TUBA1C: variants seen among roughly 807,000 people sequenced by gnomAD.
The protein encoded by TUBA1C is tubulin alpha 1c, also known as tubulin alpha-1C chain.
TUBA1C carries 16 observed loss-of-function variants against 34.9 expected under a neutral mutation model. That is an observed-to-expected ratio of 0.46 (90% CI 0.31 to 0.70). TUBA1C has a LOEUF of 0.70. TUBA1C is among the 30% of genes least tolerant of loss of function. The pLI, the probability that TUBA1C is intolerant of heterozygous loss-of-function variation, is 0.05. For missense variants in TUBA1C, 329 were observed against 587.3 expected (o/e 0.56, Z 4.55); for synonymous variants, 177 against 215.9 (o/e 0.82, Z 1.58).
chr12:49,260,091 G>A (rs185766031), upstream of TUBA1C, among the ~76,000 whole-genome samples: 5 of 152,230 alleles, frequency 3.3e-5, no homozygotes, highest in East Asian at 9.7e-4. Flanking sequence ...CAGGCTCTAT[G>A]ATATAGTCCT....
intron 1 of TUBA1C, among the ~76,000 whole-genome samples, chr12:49,231,717 C>CAGACAGACAGACAGATAGATAGATAGAT (rs1411016546): frequency 4.0e-5 from 6 of 151,270 alleles, no homozygotes; most frequent in African/African-American, 1.5e-4. Flanking sequence ...GACAGACAGA[C>CAGACAGACAGACAGATAGATAGATAGAT]AGATAGATAG....
intron 1 of TUBA1C, among the ~76,000 whole-genome samples, chr12:49,251,414 A>G (rs916029183): frequency 5.3e-5 from 8 of 152,222 alleles, no homozygotes; most frequent in African/African-American, 1.9e-4. Flanking sequence ...CTGTAAGAAA[A>G]GTATATATCG....
At chr12:49,232,870 A>G (rs558555931) in intron 1 of TUBA1C, 1 of 152,324 alleles carries the variant, frequency 6.6e-6, no homozygotes, top group South Asian at 2.1e-4. Context: ...TGGGAAACTC[A>G]GAATACAAAC....
rs1007132386 is a variant in TUBA1C at position 49,273,595 on chromosome 12, C to G, written c.*368C>G. 4 of 323,248 alleles carry G rather than the reference C, an allele frequency of 1.2e-5. No homozygotes were observed. The highest frequency in any genetic ancestry group is 2.4e-5 in the Non-Finnish European group (4 of 167,998). 20.0% of individuals were successfully genotyped at this position (323,248 alleles called of 1,614,324 possible). A position where few individuals can be genotyped will look rare whatever the true frequency, so the allele number is the denominator to read the frequency against. ...TAGAGATGGGGCCTTGCTATGCTGC[C>G]CAGGGTGGTCTTCAACTGGCTTCAA... On this transcript the variant is annotated 3_prime_UTR_variant, in exon 4 of 4. Transcript: ENST00000301072.
chr12:49,267,583 T>C (rs575212352), intron 1 of TUBA1C, among the ~76,000 whole-genome samples: 31 of 152,176 alleles, frequency 2.0e-4, no homozygotes, highest in Admixed American at 1.4e-3. Flanking sequence ...CGCTTGAACC[T>C]GGAAGGCGGA....
chr12:49,246,149 GCCCGCCTCAGCC>G (rs2136997870), intron 1 of TUBA1C, among the ~76,000 whole-genome samples: 1 of 151,416 alleles, frequency 6.6e-6, no homozygotes, highest in African/African-American at 2.4e-5. Context: ...CAAGTGATCT[GCCCGCCTCAGCC>G]TCCCAAAGTG....
intron 3 of TUBA1C, 189 bp downstream of exon 3, chr12:49,270,165 G>A: frequency 1.6e-6 from 2 of 1,231,344 alleles, no homozygotes; most frequent in South Asian, 1.3e-5. Context: ...TGGGGTAGAA[G>A]TAAGTGCTCT....
At position 49,244,251 on chromosome 12, in the gene TUBA1C, T is replaced by C. The variant is rs563625076; in HGVS notation, c.213+16085T>C. 3.3e-5 allele frequency among the ~76,000 whole-genome samples: 5 copies of C among 152,268 alleles called. No homozygotes were observed. The East Asian group carries it at 9.6e-4, about 29-fold the overall frequency. On this transcript the variant is annotated intron_variant, in intron 1 of 3. Coordinates refer to the TUBA1C transcript ENST00000541364. ...GCCCTAAATGGGGCTCTAAATGGCC[T>C]CACCACTCACCACAGTATTTTCATT...
At chr12:49,248,039 G>A (rs1270204947) in intron 1 of TUBA1C, among the ~76,000 whole-genome samples, 2 of 151,854 alleles carry the variant, frequency 1.3e-5, no homozygotes, top group East Asian at 3.9e-4. Flanking sequence ...CAGTTTGGGA[G>A]GCTGAGGCAG....
chr12:49,230,601 C>T (rs938310352), intron 1 of TUBA1C, among the ~76,000 whole-genome samples: 1 of 152,222 alleles, frequency 6.6e-6, no homozygotes, highest in Admixed American at 6.5e-5. Flanking sequence ...AGGCATACTG[C>T]GACATGTTCC....
At chr12:49,254,484 CAAAAAAAAAAAAAAA>C (rs764051406) in intron 1 of TUBA1C, among the ~76,000 whole-genome samples, 1 of 29,674 alleles carries the variant, frequency 3.4e-5, no homozygotes, top group South Asian at 1.6e-3. Flanking sequence ...TCCATCTAAA[CAAAAAAAAAAAAAAA>C]AAAAAAAAAC....
chr12:49,261,881 C>T (rs1942843811), upstream of TUBA1C, among the ~76,000 whole-genome samples: 1 of 152,198 alleles, frequency 6.6e-6, no homozygotes, highest in Non-Finnish European at 1.5e-5. Flanking sequence ...TGTAAGATTA[C>T]AACGAAAGCC....
At chr12:49,256,193 A>G (rs939815984) in intron 1 of TUBA1C, among the ~76,000 whole-genome samples, 4 of 152,254 alleles carry the variant, frequency 2.6e-5, no homozygotes, top group Admixed American at 6.5e-5. Flanking sequence ...GAAACCCCCA[A>G]TGCAACTGAG....
chr12:49,246,597 C>T (rs1184101308), intron 1 of TUBA1C, among the ~76,000 whole-genome samples: 2 of 151,800 alleles, frequency 1.3e-5, no homozygotes, highest in South Asian at 2.1e-4. Context: ...ATGGCATGAA[C>T]CCGGGAGGCG....
chr12:49,229,660 C>T (rs1454255712), intron 1 of TUBA1C, among the ~76,000 whole-genome samples: 1 of 148,886 alleles, frequency 6.7e-6, no homozygotes. Context: ...CTATTTCTTA[C>T]CTGTTTGCAT....
In TUBA1C at chr12:49,269,787, G is replaced by T. The variant is rs373715461; in HGVS notation, c.227-41G>T. On this transcript the variant is annotated intron_variant, in intron 2 of 3. Coordinates refer to ENST00000301072, the MANE Select transcript of TUBA1C (RefSeq NM_032704.5). ...GGTCACTCACCCACTCTCCCTCCCCGCTCCTTGTCCCTCCTCCTCCTCCCC... is the reference window on the plus strand; with the variant it reads ...GGTCACTCACCCACTCTCCCTCCCCTCTCCTTGTCCCTCCTCCTCCTCCCC... 3.1e-6 allele frequency: 5 copies of T among 1,610,778 alleles called. No individual in the cohort carries two copies. The Admixed American group carries it at 6.7e-5, about 22-fold the overall frequency.
At chr12:49,268,097 G>GACACACAC (rs367819252) in intron 1 of TUBA1C, among the ~76,000 whole-genome samples, 2 of 151,760 alleles carry the variant, frequency 1.3e-5, no homozygotes, top group African/African-American at 4.9e-5. Context: ...ATGAGAGAGA[G>GACACACAC]ACACACACAC....
intron 1 of TUBA1C, among the ~76,000 whole-genome samples, chr12:49,257,699 A>G (rs186787071): frequency 6.5e-4 from 99 of 152,148 alleles, no homozygotes; most frequent in African/African-American, 2.1e-3. Flanking sequence ...GGATTGCTTG[A>G]GCCCAGGAAG....
At chr12:49,249,119 G>A (rs1942706618) in intron 1 of TUBA1C, among the ~76,000 whole-genome samples, 1 of 151,604 alleles carries the variant, frequency 6.6e-6, no homozygotes, top group Non-Finnish European at 1.5e-5. Context: ...ATCAAATTAA[G>A]CTTCTATCTT....
Sources: gnomAD v4.1 joint callset for allele counts (sites outside exome capture counted in the v4.1 genomes callset) on GRCh38, gnomAD v4.1.1 for gene constraint, MANE v1.5 for transcripts, NCBI Gene and HGNC (gene_info 2026-07-23, HGNC 2026-07-21) for gene names.